TRERF1: variants seen among roughly 807,000 people sequenced by gnomAD.
TRERF1 encodes the protein transcriptional-regulating factor 1.
A neutral mutation model predicts 122.9 loss-of-function variants in TRERF1; 27 were observed. The observed-to-expected ratio is 0.22, with a 90% CI of 0.16 to 0.30. The LOEUF (loss-of-function observed/expected upper bound fraction) is 0.30, where lower values mean the gene tolerates loss of function less well. Ranked by LOEUF, TRERF1 falls within the 10% of genes least tolerant of loss-of-function variation. The pLI is 1.00. For missense variants in TRERF1, 1,248 were observed against 1,560.3 expected (o/e 0.80, Z 3.37); for synonymous variants, 636 against 641.7 (o/e 0.99, Z 0.13).
intron 2 of TRERF1, among the ~76,000 whole-genome samples, chr6:42,412,002 T>TC (rs1482124796): frequency 1.3e-5 from 2 of 148,446 alleles, no homozygotes; most frequent in East Asian, 3.9e-4. Context: ...AAAAAATCCT[T>TC]TTTTTTTTTT....
intron 2 of TRERF1, among the ~76,000 whole-genome samples, chr6:42,367,536 T>C (rs372323487): frequency 1.3e-4 from 20 of 152,068 alleles, no homozygotes; most frequent in Non-Finnish European, 2.4e-4. Context: ...GGGGGCTCTG[T>C]GTGGAGGAGA....
intron 2 of TRERF1, among the ~76,000 whole-genome samples, chr6:42,387,451 TAA>T (rs1777000156): frequency 6.6e-6 from 1 of 152,216 alleles, no homozygotes; most frequent in African/African-American, 2.4e-5. Context: ...CTTTTACTAT[TAA>T]GTTACCCCCC....
intron 2 of TRERF1, among the ~76,000 whole-genome samples, chr6:42,390,537 CTTT>C (rs966654843): frequency 3.9e-5 from 6 of 152,198 alleles, no homozygotes; most frequent in Non-Finnish European, 8.8e-5. Flanking sequence ...CACCTCGTAA[CTTT>C]TTATTTTTGA....
rs544665782 is a variant in TRERF1 at position 42,422,903 on chromosome 6, G to A, written c.-454+28274C>T. Among the ~76,000 whole-genome samples, 7 of 152,100 alleles carry A rather than the reference G, an allele frequency of 4.6e-5. No homozygotes were observed. In the South Asian group the frequency reaches 6.2e-4, roughly 14 times the overall value. On this transcript the variant is annotated intron_variant, in intron 2 of 17. Coordinates refer to ENST00000372922, the Ensembl canonical transcript of TRERF1. ...TGCCCAGGCTGGAGTGCAATGGCGC[G>A]ATCTTGGCTCACCACAACCTCCATC...
intron 2 of TRERF1, among the ~76,000 whole-genome samples, chr6:42,396,697 T>C (rs1778648088): frequency 6.6e-6 from 1 of 152,202 alleles, no homozygotes; most frequent in Admixed American, 6.5e-5. Context: ...CTGTACAGGG[T>C]GTATTATAAG....
chr6:42,436,800 C>CAAAAA (rs775861205), intron 2 of TRERF1, among the ~76,000 whole-genome samples: 21 of 77,534 alleles, frequency 2.7e-4, no homozygotes, highest in African/African-American at 1.0e-3. Flanking sequence ...TCTCCCTCTA[C>CAAAAA]AAAAAAAAAA....
chr6:42,320,670 C>T lies in TRERF1; in HGVS notation c.-370-19921G>A, dbSNP rs399230. ...GATTACAGGCGCCCGCCACAACGTC[C>T]GGCTAATTTTTGTATTTTTTAGTAG... On this transcript the variant is annotated intron_variant, in intron 3 of 17. Coordinates refer to ENST00000372922, the Ensembl canonical transcript of TRERF1. Among the ~76,000 whole-genome samples, 1,432 of 152,156 alleles carry T rather than the reference C, an allele frequency of 9.4e-3. 14 individuals are homozygous for T. Among genetic ancestry groups the T allele is most frequent in the African/African-American group, 0.032 (1,309 of 41,480 alleles).
intron 3 of TRERF1, among the ~76,000 whole-genome samples, chr6:42,334,988 A>G (rs567114436): frequency 1.2e-3 from 185 of 152,318 alleles, no homozygotes; most frequent in African/African-American, 4.2e-3. Flanking sequence ...ATCCATAACA[A>G]CATGAATCGG....
intron 3 of TRERF1, among the ~76,000 whole-genome samples, chr6:42,310,153 G>C (rs569868237): frequency 6.2e-4 from 94 of 152,248 alleles, no homozygotes; most frequent in Non-Finnish European, 1.0e-3. Context: ...ACCCAGGCTG[G>C]AGTGCAGTGG....
intron 3 of TRERF1, among the ~76,000 whole-genome samples, chr6:42,341,249 G>A (rs982376230): frequency 6.6e-6 from 1 of 152,228 alleles, no homozygotes; most frequent in Non-Finnish European, 1.5e-5. Context: ...ATTAATACCT[G>A]CCCTGCAAGG....
At chr6:42,279,064 A>G (rs1781803490) in intron 4 of TRERF1, among the ~76,000 whole-genome samples, 1 of 152,214 alleles carries the variant, frequency 6.6e-6, no homozygotes, top group African/African-American at 2.4e-5. Context: ...AAGGACCCCA[A>G]GGAATGTCAC....
chr6:42,290,756 T>C (rs2150141773), intron 4 of TRERF1, among the ~76,000 whole-genome samples: 1 of 146,412 alleles, frequency 6.8e-6, no homozygotes, highest in Non-Finnish European at 1.5e-5. Context: ...TTTTTTTTTT[T>C]TTTTTTTTGA....
intron 2 of TRERF1, among the ~76,000 whole-genome samples, chr6:42,363,984 C>T (rs1239237840): frequency 6.6e-6 from 1 of 152,186 alleles, no homozygotes; most frequent in Non-Finnish European, 1.5e-5. Flanking sequence ...CCAGAGCAGC[C>T]TAAGTGATCA....
In TRERF1 at chr6:42,254,831, C is replaced by T. The variant is rs1243507197; in HGVS notation, c.2656+20G>A. On this transcript the variant is annotated intron_variant, in intron 13 of 17. Coordinates refer to ENST00000372922, the Ensembl canonical transcript of TRERF1. Reference sequence around the variant, plus strand: ...CCCGTCGTCAGGAGGCAACAGGACACAGGGCTCCTGGCAACCTACCGGCAT... The same window carrying T: ...CCCGTCGTCAGGAGGCAACAGGACATAGGGCTCCTGGCAACCTACCGGCAT... 2 of 1,613,336 alleles carry T rather than the reference C, an allele frequency of 1.2e-6. No homozygotes were observed. The highest frequency in any genetic ancestry group is 1.7e-6 in the Non-Finnish European group (2 of 1,179,262).
Position 42,246,558 on chromosome 6 carries a change from C to A in TRERF1, c.2657-14G>T. ...ACTTGTCCGAACCTACAACAAAACA[C>A]AAACATCATAAGAACAGCTCACAGT... On this transcript the variant is annotated splice_polypyrimidine_tract_variant and intron_variant, in intron 13 of 17. Transcript: ENST00000372922. 6.3e-7 allele frequency: 1 copy of A among 1,587,696 alleles called. No individual in the cohort carries two copies. The highest frequency in any genetic ancestry group is 2.3e-5 in the East Asian group (1 of 43,988).
intron 3 of TRERF1, among the ~76,000 whole-genome samples, chr6:42,314,892 A>C (rs538039568): frequency 1.7e-3 from 260 of 152,370 alleles, no homozygotes; most frequent in African/African-American, 5.6e-3. Context: ...ATTTTAAAAC[A>C]AAACAGAAGT....
intron 2 of TRERF1, among the ~76,000 whole-genome samples, chr6:42,436,164 C>T (rs1344301141): frequency 5.3e-5 from 8 of 151,798 alleles, no homozygotes; most frequent in African/African-American, 1.5e-4. Flanking sequence ...GTCAGGAGTT[C>T]GAGACCATCC....
chr6:42,332,150 C>G lies in TRERF1; in HGVS notation c.-371+30847G>C, dbSNP rs186073849. Among the ~76,000 whole-genome samples the G allele has an allele frequency of 2.9e-3, 435 of 152,336 alleles. 2 individuals carry two copies. Among genetic ancestry groups the G allele is most frequent in the South Asian group, 7.5e-3 (36 of 4,832 alleles). On this transcript the variant is annotated intron_variant, in intron 3 of 17. Coordinates refer to ENST00000372922, the Ensembl canonical transcript of TRERF1. ...TAGAGACAGGGTTTCGCCATGTTGG[C>G]CAGGCTGGTCTCAAACTGCTGACCT...
intron 14 of TRERF1, among the ~76,000 whole-genome samples, chr6:42,245,871 G>T (rs1774696006): frequency 6.6e-6 from 1 of 152,234 alleles, no homozygotes; most frequent in Non-Finnish European, 1.5e-5. Flanking sequence ...GCTTTGGGAG[G>T]CTGAGGGAGG....
Sources: gnomAD v4.1 joint callset for allele counts (sites outside exome capture counted in the v4.1 genomes callset) on GRCh38, gnomAD v4.1.1 for gene constraint, MANE v1.5 for transcripts, NCBI Gene and HGNC (gene_info 2026-07-23, HGNC 2026-07-21) for gene names.